PDE5A: variants seen among roughly 807,000 people sequenced by gnomAD.
The protein encoded by PDE5A is cGMP-specific 3',5'-cyclic phosphodiesterase.
PDE5A carries 67 observed loss-of-function variants against 110.2 expected under a neutral mutation model. The ratio of observed to expected loss-of-function variants is 0.61; its 90% CI spans 0.50 to 0.75. The LOEUF is 0.75. Among genes scored for constraint, PDE5A ranks in the 30% least tolerant of loss-of-function variants. PDE5A has a pLI of 0.00. For missense variants in PDE5A, 862 were observed against 1,045.1 expected (o/e 0.82, Z 2.42); for synonymous variants, 328 against 351.2 (o/e 0.93, Z 0.74).
chr4:119,548,229 T>C (rs1189796662), intron 9 of PDE5A: 1 of 151,986 alleles, frequency 6.6e-6, no homozygotes, highest in East Asian at 1.9e-4. Flanking sequence ...TTTGTATTTT[T>C]AGTAGAGACG....
chr4:119,571,761 C>T (rs111301998), intron 3 of PDE5A, among the ~76,000 whole-genome samples: 4,334 of 152,216 alleles, frequency 0.028, 89 homozygotes, highest in South Asian at 0.067. Flanking sequence ...TTCTTCTCCT[C>T]ACCTCATTTT....
intron 1 of PDE5A, among the ~76,000 whole-genome samples, chr4:119,619,063 C>A (rs113947964): frequency 0.028 from 4,333 of 152,110 alleles, 88 homozygotes; most frequent in South Asian, 0.07. Context: ...ATCACTAATA[C>A]CAGCATTGCA....
intron 2 of PDE5A, 118 bp from the exon 3 acceptor site, chr4:119,596,730 C>A: frequency 2.1e-6 from 1 of 486,680 alleles, no homozygotes; most frequent in South Asian, 5.0e-5. Context: ...CTCTGAGTAA[C>A]AATTTTATTG....
At chr4:119,626,750 G>A (rs1204544711) in intron 1 of PDE5A, among the ~76,000 whole-genome samples, 2 of 152,184 alleles carry the variant, frequency 1.3e-5, no homozygotes, top group Non-Finnish European at 2.9e-5. Flanking sequence ...GCTATCCTCT[G>A]GGCGCTCAAG....
At chr4:119,613,676 G>A (rs1012384250) in intron 1 of PDE5A, among the ~76,000 whole-genome samples, 1 of 152,042 alleles carries the variant, frequency 6.6e-6, no homozygotes, top group African/African-American at 2.4e-5. Flanking sequence ...TAATCACTTC[G>A]ATGGTCTAGG....
chr4:119,622,742 G>A (rs1431647522), intron 1 of PDE5A, among the ~76,000 whole-genome samples: 2 of 151,560 alleles, frequency 1.3e-5, no homozygotes, highest in Non-Finnish European at 2.9e-5. Context: ...GTGTGGTGGT[G>A]GGCACCTGTG....
intron 17 of PDE5A, among the ~76,000 whole-genome samples, 181 bp from the exon 18 acceptor site, chr4:119,504,780 C>T (rs1008749399): frequency 8.5e-5 from 13 of 152,076 alleles, no homozygotes; most frequent in African/African-American, 3.1e-4. Context: ...GATAACAGAG[C>T]ATCATTGTTT....
At position 119,550,814 on chromosome 4, in the gene PDE5A, A is replaced by C. The variant is rs370390901; in HGVS notation, c.1396+1736T>G. On this transcript the variant is annotated intron_variant, in intron 9 of 20. Transcript: ENST00000354960. The stretch of plus-strand genomic sequence containing the variant: ...TATAAAAAAGCATTTTAAACAGCAT[A>C]ACATTTATAATATAGTTTTCCCCTT... 3.3e-5 allele frequency among the ~76,000 whole-genome samples: 5 copies of C among 152,258 alleles called. No homozygotes were observed. In the East Asian group the frequency reaches 5.8e-4, roughly 18 times the overall value.
At chr4:119,522,179 G>C (rs1726151828) in intron 12 of PDE5A, among the ~76,000 whole-genome samples, 1 of 151,902 alleles carries the variant, frequency 6.6e-6, no homozygotes, top group African/African-American at 2.4e-5. Context: ...CTGTTCTATT[G>C]CTCAGTTTAC....
chr4:119,540,297 A>G (rs1055238871), intron 10 of PDE5A, among the ~76,000 whole-genome samples: 4 of 152,194 alleles, frequency 2.6e-5, no homozygotes, highest in Non-Finnish European at 4.4e-5. Flanking sequence ...AAGTAATTAA[A>G]AATTTAAAGC....
At chr4:119,548,668 T>C (rs1727227694) in intron 9 of PDE5A, 4 of 152,208 alleles carry the variant, frequency 2.6e-5, no homozygotes, top group Non-Finnish European at 5.9e-5. Flanking sequence ...TTCCTTATTT[T>C]TGTCTTTCTT....
In PDE5A at chr4:119,628,563, G is replaced by A; in HGVS notation, c.109C>T (p.His37Tyr). 1 of 1,606,438 alleles carries A rather than the reference G, an allele frequency of 6.2e-7. No homozygotes were observed. Among genetic ancestry groups the A allele is most frequent in the Non-Finnish European group, 8.5e-7 (1 of 1,174,494 alleles). Residue 37 changes from histidine to tyrosine, a missense_variant, in exon 1 of 21, where the codon CAC becomes TAC. By Grantham distance (83) the His-to-Tyr change is moderately conservative. Transcript: ENST00000354960. ...QDSVEAWLDDHWDFTFSYFVR... is the reference protein window; with the variant it reads ...QDSVEAWLDDYWDFTFSYFVR... ...AAGTATGAGAAGGTAAAGTCCCAGT[G>A]ATCGTCCAGCCATGCTTCGACCGAG... is the stretch of plus-strand genomic sequence containing the variant.
chr4:119,504,537 C>T lies in PDE5A; in HGVS notation c.2330G>A (p.Arg777Gln), dbSNP rs374510132. Residue 777 changes from arginine to glutamine, a missense_variant and splice_region_variant, in exon 18 of 21, where the codon CGG becomes CAG. By Grantham distance (43) the Arg-to-Gln change is conservative. Coordinates refer to ENST00000354960, the MANE Select transcript of PDE5A (RefSeq NM_001083.4). ...TGTTATTGTCACTAAGTAACATACC[C>T]GTTGTTGAATAGGCCAGGGTTTTGT... ...AITKPWPIQQ[R>Q]IAELVATEFF... 1.9e-5 allele frequency: 30 copies of T among 1,608,260 alleles called. No homozygotes were observed. Among genetic ancestry groups the T allele is most frequent in the South Asian group, 3.3e-5 (3 of 90,796 alleles).
At position 119,589,174 on chromosome 4, in the gene PDE5A, A is replaced by C. The variant is rs147983351; in HGVS notation, c.831+7349T>G. ...TCAGAGAATTCAGAGAATTCAGAGA[A>C]ATTTCAGAGAAATAAGAAATTTGCA... On this transcript the variant is annotated intron_variant, in intron 3 of 20. Transcript: ENST00000354960. Among the ~76,000 whole-genome samples, 613 of 152,230 alleles carry C rather than the reference A, an allele frequency of 4.0e-3. 12 individuals carry two copies. The East Asian group carries it at 0.046, about 12-fold the overall frequency.
At chr4:119,606,685 C>A in intron 2 of PDE5A, 24 bp downstream of exon 2, 1 of 1,575,618 alleles carries the variant, frequency 6.3e-7, no homozygotes, top group Non-Finnish European at 8.7e-7. Context: ...AGCACTGGTC[C>A]TGCTCTCATG....
chr4:119,508,637 C>T (rs573546202), intron 15 of PDE5A, among the ~76,000 whole-genome samples: 2 of 151,932 alleles, frequency 1.3e-5, no homozygotes, highest in East Asian at 3.9e-4. Flanking sequence ...TGACAATAAT[C>T]TATAATTACA....
intron 2 of PDE5A, among the ~76,000 whole-genome samples, chr4:119,597,950 G>A (rs1278930066): frequency 6.6e-6 from 1 of 151,918 alleles, no homozygotes; most frequent in Non-Finnish European, 1.5e-5. Context: ...CATGCTCAAA[G>A]TTATATGAAT....
intron 14 of PDE5A, among the ~76,000 whole-genome samples, chr4:119,517,596 C>A (rs1415309080): frequency 7.9e-6 from 1 of 126,712 alleles, no homozygotes; most frequent in African/African-American, 3.0e-5. Context: ...TTTTCTTTTT[C>A]TTTTTCTTTC....
chr4:119,568,382 A>G (rs2110510409), intron 3 of PDE5A, among the ~76,000 whole-genome samples: 1 of 152,278 alleles, frequency 6.6e-6, no homozygotes, highest in East Asian at 1.9e-4. Flanking sequence ...GGGAACTATA[A>G]TAAGAGCCAC....
Sources: gnomAD v4.1 joint callset for allele counts (sites outside exome capture counted in the v4.1 genomes callset) on GRCh38, gnomAD v4.1.1 for gene constraint, MANE v1.5 for transcripts, NCBI Gene and HGNC (gene_info 2026-07-23, HGNC 2026-07-21) for gene names.